The following ENTREP2 variants were observed in gnomAD, a reference collection of about 807,000 sequenced individuals.
The protein encoded by ENTREP2 is endosomal transmembrane epsin interactor 2, also known as protein ENTREP2.
the ENTREP2 span, among the ~76,000 whole-genome samples, chr15:29,619,742 G>T: frequency 7.3e-3 from 1,115 of 152,184 alleles, 8 homozygotes; most frequent in South Asian, 0.013. Context: ...AGAGGCTACG[G>T]ATTTCCTGAC....
At chr15:29,269,400 C>T in the ENTREP2 span, 1 of 1,614,196 alleles carries the variant, frequency 6.2e-7, no homozygotes, top group South Asian at 1.1e-5. Context: ...TCGGAATCTT[C>T]TTCTGGTCTT....
At chr15:29,462,133 T>C in the ENTREP2 span, among the ~76,000 whole-genome samples, 1 of 152,206 alleles carries the variant, frequency 6.6e-6, no homozygotes, top group African/African-American at 2.4e-5. Flanking sequence ...AACCACATTC[T>C]GTTTACCCAT....
chr15:29,128,811 G>T, the ENTREP2 span: 2 of 1,550,786 alleles, frequency 1.3e-6, no homozygotes, highest in East Asian at 2.4e-5. Context: ...AGCCAGCACT[G>T]GTGTTTGGGT....
At chr15:29,368,987 G>T in the ENTREP2 span, among the ~76,000 whole-genome samples, 1 of 152,132 alleles carries the variant, frequency 6.6e-6, no homozygotes, top group Non-Finnish European at 1.5e-5. Context: ...CAAAGAAAGA[G>T]TCATCAGTTA....
chr15:29,475,325 C>A, the ENTREP2 span, among the ~76,000 whole-genome samples: 7 of 152,234 alleles, frequency 4.6e-5, no homozygotes, highest in Admixed American at 4.6e-4. Flanking sequence ...AGCAGGAAGG[C>A]CCACCCTGCC....
At chr15:29,167,222 G>A in the ENTREP2 span, among the ~76,000 whole-genome samples, 1 of 152,152 alleles carries the variant, frequency 6.6e-6, no homozygotes, top group African/African-American at 2.4e-5. Flanking sequence ...AATTCTAGAA[G>A]ATAACATCGG....
At chr15:29,347,221 C>T in the ENTREP2 span, among the ~76,000 whole-genome samples, 2 of 152,154 alleles carry the variant, frequency 1.3e-5, no homozygotes, top group Non-Finnish European at 2.9e-5. Flanking sequence ...GTCACCCAGG[C>T]TAGAGTGCAG....
At chr15:29,123,462 G>A in the ENTREP2 span, 1 of 1,551,582 alleles carries the variant, frequency 6.4e-7, no homozygotes, top group Non-Finnish European at 8.7e-7. Flanking sequence ...CACAGTGTGA[G>A]TGTTCCAAAA....
the ENTREP2 span, among the ~76,000 whole-genome samples, chr15:29,366,092 G>A: frequency 2.6e-5 from 4 of 152,146 alleles, no homozygotes; most frequent in African/African-American, 7.2e-5. Context: ...TATTATTTTC[G>A]AGATGAAGTC....
chr15:29,582,670 G>T, the ENTREP2 span, among the ~76,000 whole-genome samples: 4 of 150,658 alleles, frequency 2.7e-5, no homozygotes, highest in East Asian at 1.9e-4. Context: ...ATTTTTTTTT[G>T]AGATGAAGTC....
the ENTREP2 span, among the ~76,000 whole-genome samples, chr15:29,506,734 C>A: frequency 2.0e-5 from 3 of 152,140 alleles, no homozygotes; most frequent in Non-Finnish European, 4.4e-5. Context: ...ACCAGGCCTG[C>A]CTTACAAGAC....
the ENTREP2 span, among the ~76,000 whole-genome samples, chr15:29,559,842 T>A: frequency 3.3e-5 from 5 of 152,148 alleles, no homozygotes; most frequent in Non-Finnish European, 5.9e-5. Flanking sequence ...GAGACACAGA[T>A]TCACAGCTTC....
chr15:29,350,517 T>G, the ENTREP2 span, among the ~76,000 whole-genome samples: 1 of 152,178 alleles, frequency 6.6e-6, no homozygotes, highest in Non-Finnish European at 1.5e-5. Flanking sequence ...TGCATTTACT[T>G]TGATTAAGAA....
At chr15:29,235,472 C>T in the ENTREP2 span, among the ~76,000 whole-genome samples, 2 of 152,092 alleles carry the variant, frequency 1.3e-5, no homozygotes, top group Non-Finnish European at 2.9e-5. Context: ...AAATTAAACA[C>T]CACAGTTCTA....
At chr15:29,335,336 T>C in the ENTREP2 span, among the ~76,000 whole-genome samples, 2 of 152,184 alleles carry the variant, frequency 1.3e-5, no homozygotes, top group Non-Finnish European at 1.5e-5. Context: ...CTAATGTATC[T>C]TCCCACTGCA....
chr15:29,316,487 A>G, the ENTREP2 span, among the ~76,000 whole-genome samples: 1 of 152,214 alleles, frequency 6.6e-6, no homozygotes, highest in African/African-American at 2.4e-5. Flanking sequence ...CATTGTGACT[A>G]TATCATTTTA....
At chr15:29,454,505 C>T in the ENTREP2 span, among the ~76,000 whole-genome samples, 1 of 152,192 alleles carries the variant, frequency 6.6e-6, no homozygotes, top group Admixed American at 6.5e-5. Flanking sequence ...TCAGCTCCCC[C>T]ACTCACTATC....
At chr15:29,608,314 A>C in the ENTREP2 span, among the ~76,000 whole-genome samples, 33,759 of 151,864 alleles carry the variant, frequency 0.22, 4,002 homozygotes, top group African/African-American at 0.28. Context: ...TGTGTTCAAA[A>C]ATAGAGCCAC....
At chr15:29,156,961 GTGGCACA>G in the ENTREP2 span, among the ~76,000 whole-genome samples, 2 of 152,102 alleles carry the variant, frequency 1.3e-5, no homozygotes, top group African/African-American at 4.8e-5. Flanking sequence ...GCCGGGAGAG[GTGGCACA>G]TGCCTGTAAT....
Sources: gnomAD v4.1 joint callset for allele counts (sites outside exome capture counted in the v4.1 genomes callset) on GRCh38, gnomAD v4.1.1 for gene constraint, MANE v1.5 for transcripts, NCBI Gene and HGNC (gene_info 2026-07-23, HGNC 2026-07-21) for gene names.